KLHL6: variants seen among roughly 807,000 people sequenced by gnomAD.
KLHL6 encodes kelch like family member 6.
Under a neutral mutation model 58.6 loss-of-function variants are expected in KLHL6, and 41 were observed. The ratio of observed to expected loss-of-function variants is 0.70; its 90% confidence interval spans 0.55 to 0.91. KLHL6 has a LOEUF of 0.91. Ranked by LOEUF, KLHL6 falls within the 40% of genes least tolerant of loss-of-function variation. The pLI is 0.00. For synonymous variants in KLHL6, 338 were observed against 322.7 expected, an observed-to-expected ratio of 1.05 and a Z score of -0.51; for missense variants, 714 against 805.6, an observed-to-expected ratio of 0.89 and a Z score of 1.38.
intron 1 of KLHL6, among the ~76,000 whole-genome samples, chr3:183,541,356 C>G (rs535600335): frequency 6.6e-6 from 1 of 152,292 alleles, no homozygotes; most frequent in South Asian, 2.1e-4. Flanking sequence ...GGATGGGGAG[C>G]AGTTATGAAT....
intron 1 of KLHL6, among the ~76,000 whole-genome samples, chr3:183,550,929 G>T (rs1712890884): frequency 6.6e-6 from 1 of 152,048 alleles, no homozygotes; most frequent in Admixed American, 6.6e-5. Context: ...AACTATCCTG[G>T]CTAACATGGT....
chr3:183,508,410 C>T lies in KLHL6; in HGVS notation c.558G>A (p.Leu186=), dbSNP rs1718078721. Residue 186 remains leucine, a synonymous_variant, in exon 3 of 7, where the codon CTG becomes CTA. Transcript: ENST00000341319. The part of the protein sequence containing the change: ...GILRLADTHS[L]DSLKKQVQSY... The stretch of plus-strand genomic sequence containing the variant: ...TCTGAACCTGCTTCTTTAGACTGTC[C>T]AGCGAGTGTGTGTCAGCCAGCCTCA... 2 of 1,614,154 alleles carry T rather than the reference C, an allele frequency of 1.2e-6. No individual in the cohort carries two copies. The highest frequency in any genetic ancestry group is 2.2e-5 in the East Asian group (1 of 44,882).
chr3:183,534,073 C>CCTTTAAAAGTACTTTACTTTTAAATTA (rs1712248478), intron 1 of KLHL6, among the ~76,000 whole-genome samples: 1 of 38,854 alleles, frequency 2.6e-5, no homozygotes, highest in Admixed American at 2.9e-4. Flanking sequence ...TAATCACCAG[C>CCTTTAAAAGTACTTTACTTTTAAATTA]CTTTAAAAGT....
At chr3:183,538,663 C>T (rs1184716583) in intron 1 of KLHL6, among the ~76,000 whole-genome samples, 2 of 152,144 alleles carry the variant, frequency 1.3e-5, no homozygotes, top group African/African-American at 4.8e-5. Context: ...AAAGGGGGTT[C>T]CATTGCAAAG....
intron 1 of KLHL6, among the ~76,000 whole-genome samples, chr3:183,547,897 T>G (rs774657304): frequency 2.6e-5 from 4 of 152,208 alleles, no homozygotes; most frequent in African/African-American, 4.8e-5. Context: ...TCATTTCCTA[T>G]GACCCCTCAG....
Position 183,492,157 on chromosome 3 carries a change from G to A in KLHL6, c.1636C>T (p.His546Tyr), listed in dbSNP as rs1717579614. ...DSWCLVTQLS[H>Y]ERASCGIAPC... ...GCGATACCGCAGCTGGCCCGCTCGT[G>A]GCTGAGCTGGGTCACCAGGCACCAG... is the stretch of plus-strand genomic sequence containing the variant. The change falls in exon 7 of 7, where the codon CAC becomes TAC. Residue 546 changes from histidine to tyrosine, a missense_variant. Physicochemically the swap from His to Tyr is moderately conservative, Grantham distance 83 (BLOSUM62 2). Around this residue, in one of 2 missense-constraint regions of KLHL6, gnomAD observed 510 missense variants for 629.7 expected, o/e 0.81. Transcript: ENST00000341319. This position sits in a 1 kb window ranked among gnomAD's most constrained non-coding sequence, Gnocchi z 5.9. 6.2e-7 allele frequency: 1 copy of A among 1,613,322 alleles called. No homozygotes were observed. The highest frequency in any genetic ancestry group is 8.5e-7 in the Non-Finnish European group (1 of 1,179,966).
intron 1 of KLHL6, among the ~76,000 whole-genome samples, chr3:183,549,841 G>A (rs374357086): frequency 1.5e-4 from 23 of 152,220 alleles, no homozygotes; most frequent in African/African-American, 4.3e-4. Context: ...TTGGGAGGCC[G>A]GGTCAGGAGG....
chr3:183,531,883 A>G (rs1391788324), intron 1 of KLHL6, among the ~76,000 whole-genome samples: 1 of 152,262 alleles, frequency 6.6e-6, no homozygotes, highest in Non-Finnish European at 1.5e-5. Flanking sequence ...GATGAATTAT[A>G]CATAAAGTCT....
intron 1 of KLHL6, among the ~76,000 whole-genome samples, chr3:183,546,281 A>G (rs897987202): frequency 1.3e-5 from 2 of 152,182 alleles, no homozygotes; most frequent in Admixed American, 1.3e-4. Flanking sequence ...TGTAGTTTTC[A>G]TGATACTTTA....
intron 2 of KLHL6, among the ~76,000 whole-genome samples, chr3:183,513,013 C>G (rs374570219): frequency 3.3e-5 from 5 of 152,208 alleles, no homozygotes; most frequent in Admixed American, 6.5e-5. Flanking sequence ...TAGAAGGTAA[C>G]ATACAAAATG....
In KLHL6 at chr3:183,514,490, C is replaced by T. The variant is rs1324590780; in HGVS notation, c.460-5982G>A. On this transcript the variant is annotated intron_variant, in intron 2 of 6. Transcript: ENST00000341319. Reference sequence around the variant, plus strand: ...TCACCATCTGTTATGATCCTACGCGCCTCACCCAGACAAGCCCAACTCCAG... The same window carrying T: ...TCACCATCTGTTATGATCCTACGCGTCTCACCCAGACAAGCCCAACTCCAG... 2.0e-5 allele frequency among the ~76,000 whole-genome samples: 3 copies of T among 151,970 alleles called. No homozygotes were observed. The East Asian group carries it at 5.8e-4, about 29-fold the overall frequency.
chr3:183,520,626 T>G (rs1432144321), intron 2 of KLHL6: 3 of 151,310 alleles, frequency 2.0e-5, no homozygotes, highest in Non-Finnish European at 4.4e-5. Flanking sequence ...TGAGCAAAGG[T>G]CTCTGTGTCA....
At chr3:183,546,485 A>C (rs1199012645) in intron 1 of KLHL6, among the ~76,000 whole-genome samples, 1 of 152,164 alleles carries the variant, frequency 6.6e-6, no homozygotes, top group Non-Finnish European at 1.5e-5. Flanking sequence ...AGCATTGTAC[A>C]GCAGCAGGGA....
intron 2 of KLHL6, among the ~76,000 whole-genome samples, chr3:183,523,812 C>T (rs1879782): frequency 0.97 from 148,100 of 152,290 alleles, 72,039 homozygotes; most frequent in East Asian, 1. Context: ...CAGGCTGGAG[C>T]GCAGTGGCGC....
chr3:183,528,203 A>G (rs1712042750), intron 1 of KLHL6, among the ~76,000 whole-genome samples, 193 bp from the exon 2 acceptor site: 2 of 152,098 alleles, frequency 1.3e-5, no homozygotes, highest in Non-Finnish European at 2.9e-5. Flanking sequence ...AGCTGAACTG[A>G]ACTGCCCTGC....
At position 183,528,024 on chromosome 3, in the gene KLHL6, G is replaced by T; in HGVS notation, c.294-14C>A. On this transcript the variant is annotated splice_polypyrimidine_tract_variant and intron_variant, in intron 1 of 6. Coordinates refer to ENST00000341319, the MANE Select transcript of KLHL6 (RefSeq NM_130446.4). ...CAGAACATGGCCCTGGAAGAGAAAT[G>T]TGTGAATGTGAATCGTGCCGAGACC... is the stretch of plus-strand genomic sequence containing the variant. 6.2e-7 allele frequency: 1 copy of T among 1,613,930 alleles called. No homozygotes were observed. The highest frequency in any genetic ancestry group is 8.5e-7 in the Non-Finnish European group (1 of 1,179,924).
intron 1 of KLHL6, among the ~76,000 whole-genome samples, chr3:183,549,615 TCTC>T (rs1712842845): frequency 6.6e-6 from 1 of 152,154 alleles, no homozygotes; most frequent in Non-Finnish European, 1.5e-5. Flanking sequence ...TTCAAGCAAT[TCTC>T]CTGCTTCAGC....
chr3:183,539,567 G>T (rs773654404), intron 1 of KLHL6, among the ~76,000 whole-genome samples: 1 of 151,962 alleles, frequency 6.6e-6, no homozygotes, highest in Non-Finnish European at 1.5e-5. Context: ...AAATTAGCTC[G>T]GTGTGGTGGC....
intron 2 of KLHL6, among the ~76,000 whole-genome samples, chr3:183,526,035 C>T (rs889839886): frequency 6.6e-6 from 1 of 152,130 alleles, no homozygotes; most frequent in African/African-American, 2.4e-5. Flanking sequence ...TTGCCGGGTG[C>T]GGTGGCTCAT....
Sources: gnomAD v4.1 joint callset for allele counts (sites outside exome capture counted in the v4.1 genomes callset) on GRCh38, gnomAD v4.1.1 for gene constraint, gnomAD v4.1.1 regional missense constraint, Gnocchi (gnomAD v3.1) non-coding constraint, MANE v1.5 for transcripts, NCBI Gene and HGNC (gene_info 2026-07-23, HGNC 2026-07-21) for gene names.